PLCE1: variants seen among roughly 807,000 people sequenced by gnomAD.
The protein encoded by PLCE1 is 1-phosphatidylinositol 4,5-bisphosphate phosphodiesterase epsilon-1.
PLCE1 carries 119 observed loss-of-function variants against 242.8 expected under a neutral mutation model. That is an observed-to-expected ratio of 0.49 (90% CI 0.42 to 0.57). PLCE1 has a LOEUF of 0.57. Ranked by LOEUF, PLCE1 falls within the 20% of genes least tolerant of loss-of-function variation. PLCE1 has a pLI of 0.00. For missense variants in PLCE1, 2,441 were observed against 2,788.8 expected (o/e 0.88, Z 2.81); for synonymous variants, 945 against 1,017.4 (o/e 0.93, Z 1.35).
At chr10:94,172,135 G>A (rs550239943) in intron 4 of PLCE1, among the ~76,000 whole-genome samples, 21 of 152,276 alleles carry the variant, frequency 1.4e-4, no homozygotes, top group East Asian at 3.9e-4. Context: ...AAGCCATTGC[G>A]TGGGGGTCTA....
At chr10:94,191,956 C>G (rs1256239527) in intron 4 of PLCE1, among the ~76,000 whole-genome samples, 2 of 152,156 alleles carry the variant, frequency 1.3e-5, no homozygotes, top group Non-Finnish European at 2.9e-5. Flanking sequence ...CCAAATCCTT[C>G]CCATCTCCTG....
intron 4 of PLCE1, among the ~76,000 whole-genome samples, chr10:94,209,205 T>C (rs544234591): frequency 6.6e-6 from 1 of 152,342 alleles, no homozygotes; most frequent in African/African-American, 2.4e-5. Flanking sequence ...CCAGTATTTT[T>C]AGGAAATTTA....
intron 3 of PLCE1, among the ~76,000 whole-genome samples, chr10:94,166,287 T>C (rs750326231): frequency 2.0e-5 from 3 of 152,218 alleles, no homozygotes; most frequent in Non-Finnish European, 2.9e-5. Context: ...TGTTGGATAA[T>C]ATCCTAGAAG....
At chr10:94,069,435 A>G (rs911856754) in intron 2 of PLCE1, among the ~76,000 whole-genome samples, 4 of 152,224 alleles carry the variant, frequency 2.6e-5, no homozygotes, top group Non-Finnish European at 4.4e-5. Flanking sequence ...ACCCATCTCT[A>G]TTAAAAATAC....
intron 3 of PLCE1, among the ~76,000 whole-genome samples, chr10:94,148,024 G>A (rs1393142914): frequency 6.6e-6 from 1 of 152,158 alleles, no homozygotes; most frequent in East Asian, 1.9e-4. Context: ...TTTGATGACA[G>A]ATAGACCTAA....
chr10:94,211,172 C>T (rs935041721), intron 4 of PLCE1, among the ~76,000 whole-genome samples: 1 of 152,220 alleles, frequency 6.6e-6, no homozygotes, highest in Non-Finnish European at 1.5e-5. Context: ...GACCCACTGC[C>T]CCCATCTTTT....
chr10:94,151,023 A>G (rs575059996), intron 3 of PLCE1, among the ~76,000 whole-genome samples: 1 of 152,338 alleles, frequency 6.6e-6, no homozygotes, highest in Non-Finnish European at 1.5e-5. Context: ...CTCTCCAGAG[A>G]GAGGCCAGCA....
At position 94,014,870 on chromosome 10, in the gene PLCE1, A is replaced by T. The variant is rs2061248824; in HGVS notation, c.-364-15813A>T. On this transcript the variant is annotated intron_variant, in intron 1 of 32. Transcript: ENST00000371380. ...TCTCTTGGGTTCCACCCTAGCAAGG[A>T]TAGTTTTACCAAGTCCCCACCATGA... is the stretch of plus-strand genomic sequence containing the variant. Among the ~76,000 whole-genome samples the T allele has an allele frequency of 2.6e-5, 4 of 152,334 alleles. No homozygotes were observed. In the South Asian group the frequency reaches 8.3e-4, roughly 32 times the overall value.
chr10:94,321,248 C>A (rs1362866336), intron 29 of PLCE1, among the ~76,000 whole-genome samples: 1 of 152,188 alleles, frequency 6.6e-6, no homozygotes, highest in African/African-American at 2.4e-5. Flanking sequence ...CTTTTAAATA[C>A]AATTTACTGT....
chr10:94,321,982 CATG>C lies in PLCE1; in HGVS notation c.6428_6430del (p.Asp2143del), dbSNP rs757444428. 4 of 1,613,718 alleles carry C rather than the reference CATG, an allele frequency of 2.5e-6. No homozygotes were observed. The highest frequency in any genetic ancestry group is 3.4e-6 in the Non-Finnish European group (4 of 1,179,648). On this transcript the variant is annotated inframe_deletion, in exon 30 of 33. Coordinates refer to ENST00000371380, the MANE Select transcript of PLCE1 (RefSeq NM_016341.4). ...GGAGGAGAGTTTCTTTGTCCAAGTGCATGATGTTTCTCCAGAGCAACCTCGAAC... is the reference window on the plus strand; with the variant it reads ...GGAGGAGAGTTTCTTTGTCCAAGTGCATGTTTCTCCAGAGCAACCTCGAAC...
intron 2 of PLCE1, among the ~76,000 whole-genome samples, chr10:94,038,900 C>T (rs1474133078): frequency 6.6e-6 from 1 of 152,162 alleles, no homozygotes; most frequent in Non-Finnish European, 1.5e-5. Flanking sequence ...CTGTGCCTCT[C>T]CCCCAGCCCT....
At chr10:94,165,627 G>A (rs572492742) in intron 3 of PLCE1, among the ~76,000 whole-genome samples, 1 of 151,860 alleles carries the variant, frequency 6.6e-6, no homozygotes, top group African/African-American at 2.4e-5. Context: ...AAAAAAATCT[G>A]AACAGGCCAA....
At chr10:94,033,227 T>C (rs571434776) in intron 2 of PLCE1, among the ~76,000 whole-genome samples, 1 of 152,172 alleles carries the variant, frequency 6.6e-6, no homozygotes, top group African/African-American at 2.4e-5. Flanking sequence ...ATTGTAGTGA[T>C]GAATATAAGT....
At position 94,031,850 on chromosome 10, in the gene PLCE1, C is replaced by T; in HGVS notation, c.804C>T (p.Gly268=). 6.2e-7 allele frequency: 1 copy of T among 1,613,732 alleles called. No individual in the cohort carries two copies. Among genetic ancestry groups the T allele is most frequent in the Non-Finnish European group, 8.5e-7 (1 of 1,179,794 alleles). ...TLNDKYFCFE[G]SCEKVDMVYS... is the part of the protein sequence containing the mutation. Reference sequence around the variant, plus strand: ...ATGATAAATACTTTTGCTTTGAAGGCTCTTGTGAGAAGGTTGACATGGTAT... The same window carrying T: ...ATGATAAATACTTTTGCTTTGAAGGTTCTTGTGAGAAGGTTGACATGGTAT... Residue 268 remains glycine, a synonymous_variant, in exon 2 of 33, where the codon GGC becomes GGT. Transcript: ENST00000371380.
intron 2 of PLCE1, among the ~76,000 whole-genome samples, chr10:94,094,485 T>C (rs1029710845): frequency 2.6e-5 from 4 of 152,180 alleles, no homozygotes; most frequent in African/African-American, 9.6e-5. Context: ...TGGGAGTTCA[T>C]AGCAGGGCTT....
At chr10:93,995,896 A>G (rs1478502108) in intron 1 of PLCE1, among the ~76,000 whole-genome samples, 6 of 152,308 alleles carry the variant, frequency 3.9e-5, no homozygotes, top group East Asian at 1.9e-4. Flanking sequence ...TTGTTTTTCT[A>G]TTTACAACCA....
Position 94,038,586 on chromosome 10 carries a change from G to A in PLCE1, c.1206+6334G>A, listed in dbSNP as rs554075193. On this transcript the variant is annotated intron_variant, in intron 2 of 32. Coordinates refer to ENST00000371380, the MANE Select transcript of PLCE1 (RefSeq NM_016341.4). Reference sequence around the variant, plus strand: ...GAAAGCTCAGCAGAAAACCTCCTCAGCCTTCAGCAATACAAAGTCATGCTA... The same window carrying A: ...GAAAGCTCAGCAGAAAACCTCCTCAACCTTCAGCAATACAAAGTCATGCTA... Among the ~76,000 whole-genome samples the A allele has an allele frequency of 2.6e-5, 4 of 152,248 alleles. No homozygotes were observed. The East Asian group carries it at 7.7e-4, about 29-fold the overall frequency.
intron 3 of PLCE1, among the ~76,000 whole-genome samples, chr10:94,168,397 C>G (rs1564750675): frequency 6.6e-6 from 1 of 152,124 alleles, no homozygotes; most frequent in East Asian, 1.9e-4. Flanking sequence ...ATATGAAATC[C>G]CTGGGTATTC....
intron 2 of PLCE1, among the ~76,000 whole-genome samples, chr10:94,125,019 A>C (rs2046399065): frequency 6.6e-6 from 1 of 152,220 alleles, no homozygotes; most frequent in African/African-American, 2.4e-5. Flanking sequence ...GGTTCAGATG[A>C]ATCCAATGTA....
Sources: gnomAD v4.1 joint callset for allele counts (sites outside exome capture counted in the v4.1 genomes callset) on GRCh38, gnomAD v4.1.1 for gene constraint, MANE v1.5 for transcripts, NCBI Gene and HGNC (gene_info 2026-07-23, HGNC 2026-07-21) for gene names.